Variants in TRDN observed in about 807,000 individuals in gnomAD.
The protein encoded by TRDN is triadin in skeletal muscle.
Under a neutral mutation model 149.7 loss-of-function variants are expected in TRDN, and 161 were observed. That is an observed-to-expected ratio of 1.08 (90% CI 0.95 to 1.23). The LOEUF (loss-of-function observed/expected upper bound fraction) is 1.23. TRDN is among the 50% of genes most tolerant of loss of function. TRDN has a pLI of 0.00. For synonymous variants in TRDN, 294 were observed against 250.5 expected, an observed-to-expected ratio of 1.17 and a Z score of -1.64; for missense variants, 896 against 823.5, an observed-to-expected ratio of 1.09 and a Z score of -1.08.
rs997711349 is a variant in TRDN, at chr6:123,255,894, C to G, written c.1879G>C (p.Asp627His). The change falls in exon 36 of 41, where the codon GAC (aspartate) becomes CAC (histidine). Residue 627 changes from aspartate (D) to histidine (H), a missense_variant. Physicochemically the swap from Asp to His is moderately conservative, Grantham distance 81. Coordinates refer to ENST00000334268, the MANE Select transcript of TRDN (RefSeq NM_006073.4). ...TTTTCTTCTCTAAGATGCTTCATGT[C>G]TGCTTTTTCTGTATAGAAGAAACAG... ...ISEKESKEKA[D>H]MKHLREEKVS... The G allele has an allele frequency of 2.3e-6, 3 of 1,321,032 alleles. No individual in the cohort carries two copies. Among genetic ancestry groups the G allele is most frequent in the African/African-American group, 1.6e-5 (1 of 64,156 alleles). 81.8% of individuals were successfully genotyped at this position (1,321,032 alleles called of 1,614,324 possible).
At chr6:123,588,656 T>A (rs2114611055) in intron 1 of TRDN, among the ~76,000 whole-genome samples, 1 of 152,302 alleles carries the variant, frequency 6.6e-6, no homozygotes, top group Non-Finnish European at 1.5e-5. Flanking sequence ...CAGGAGACAT[T>A]TACTTCTGAG....
intron 16 of TRDN, among the ~76,000 whole-genome samples, chr6:123,379,677 T>C (rs1191581263): frequency 6.6e-6 from 1 of 152,168 alleles, no homozygotes; most frequent in East Asian, 1.9e-4. Context: ...AATTTGTTCA[T>C]TATATAGGAT....
intron 16 of TRDN, among the ~76,000 whole-genome samples, chr6:123,379,310 C>T (rs1426985225): frequency 6.6e-6 from 1 of 152,152 alleles, no homozygotes; most frequent in African/African-American, 2.4e-5. Context: ...TCTTTTAAGA[C>T]AGCCTTTAAG....
chr6:123,491,028 C>T (rs1778192307), intron 9 of TRDN, among the ~76,000 whole-genome samples: 3 of 151,754 alleles, frequency 2.0e-5, no homozygotes, highest in Admixed American at 1.3e-4. Context: ...ATTGCTTGAA[C>T]CCGGGAGGCA....
intron 6 of TRDN, among the ~76,000 whole-genome samples, chr6:123,515,477 A>G (rs1406183813): frequency 2.0e-5 from 3 of 151,926 alleles, no homozygotes; most frequent in Non-Finnish European, 4.4e-5. Context: ...ATATTTAGTG[A>G]TATGAGAAGA....
intron 4 of TRDN, among the ~76,000 whole-genome samples, chr6:123,542,977 A>G (rs190798187): frequency 3.1e-4 from 47 of 151,856 alleles, no homozygotes; most frequent in African/African-American, 1.1e-3. Context: ...TATATTTCTA[A>G]AAAATAGATA....
intron 21 of TRDN, among the ~76,000 whole-genome samples, chr6:123,346,315 A>C (rs182505965): frequency 1.3e-5 from 2 of 152,132 alleles, no homozygotes; most frequent in African/African-American, 4.8e-5. Flanking sequence ...TAGCCTGTTG[A>C]TGTTATTGAT....
At position 123,527,993 on chromosome 6, in the gene TRDN, T is replaced by C. The variant is rs368900133; in HGVS notation, c.484+2513A>G. Among the ~76,000 whole-genome samples, 6 of 151,936 alleles carry C rather than the reference T, an allele frequency of 3.9e-5. No homozygotes were observed. The East Asian group carries it at 9.6e-4, about 24-fold the overall frequency. On this transcript the variant is annotated intron_variant, in intron 5 of 40. Transcript: ENST00000334268. ...ATAATAAGTATTCATTGCCTGGTTA[T>C]CATTTAAAAGGCATATTCTTTAGCT...
At chr6:123,349,937 C>A (rs983822234) in intron 21 of TRDN, 13 of 980,968 alleles carry the variant, frequency 1.3e-5, no homozygotes, top group Admixed American at 6.3e-5. Context: ...ATGTAGGGAA[C>A]CATTGTTTAC....
At chr6:123,310,688 T>C (rs1778786162) in intron 24 of TRDN, among the ~76,000 whole-genome samples, 1 of 151,844 alleles carries the variant, frequency 6.6e-6, no homozygotes, top group Non-Finnish European at 1.5e-5. Flanking sequence ...GTCACAACAA[T>C]AGGAGAAGAA....
At chr6:123,519,570 A>G (rs1260856701) in intron 5 of TRDN, among the ~76,000 whole-genome samples, 1 of 148,532 alleles carries the variant, frequency 6.7e-6, no homozygotes, top group Non-Finnish European at 1.5e-5. Flanking sequence ...TCCTGTTCTT[A>G]GGTTGAAAAT....
intron 5 of TRDN, 78 bp from the exon 6 acceptor site, chr6:123,516,284 G>T: frequency 7.6e-7 from 1 of 1,309,684 alleles, no homozygotes; most frequent in South Asian, 1.9e-5. Flanking sequence ...AGTCTTTGAT[G>T]TCAAAATTTA....
intron 4 of TRDN, among the ~76,000 whole-genome samples, chr6:123,535,259 A>C (rs1452000514): frequency 6.6e-6 from 1 of 152,210 alleles, no homozygotes; most frequent in Non-Finnish European, 1.5e-5. Flanking sequence ...GCTTTGCCTA[A>C]TAAGAAAGAA....
chr6:123,494,760 G>A (rs777880117), intron 9 of TRDN, among the ~76,000 whole-genome samples: 8 of 152,048 alleles, frequency 5.3e-5, no homozygotes, highest in Non-Finnish European at 8.8e-5. Flanking sequence ...TTGAGATGGA[G>A]TCTTGCTCTG....
At chr6:123,374,529 C>A (rs116235537) in intron 19 of TRDN, among the ~76,000 whole-genome samples, 2,119 of 152,220 alleles carry the variant, frequency 0.014, 54 homozygotes, top group African/African-American at 0.048. Flanking sequence ...TTAAACCTCT[C>A]TTGTAAAGTT....
chr6:123,448,717 C>A (rs1221650333), intron 10 of TRDN, among the ~76,000 whole-genome samples: 1 of 152,130 alleles, frequency 6.6e-6, no homozygotes, highest in Non-Finnish European at 1.5e-5. Context: ...GCAGCTGATG[C>A]TCTCTGGAAA....
intron 20 of TRDN, among the ~76,000 whole-genome samples, chr6:123,355,284 A>T (rs1780622602): frequency 6.6e-6 from 1 of 151,636 alleles, no homozygotes; most frequent in African/African-American, 2.4e-5. Flanking sequence ...AATTAAATTC[A>T]ATGTATCAAT....
At chr6:123,223,597 G>T (rs1775233397) in intron 39 of TRDN, among the ~76,000 whole-genome samples, 1 of 151,728 alleles carries the variant, frequency 6.6e-6, no homozygotes, top group African/African-American at 2.4e-5. Context: ...TACATCTGGA[G>T]ATCGCAGGTT....
intron 21 of TRDN, among the ~76,000 whole-genome samples, 170 bp from the exon 22 acceptor site, chr6:123,337,839 T>C (rs1379445229): frequency 6.6e-6 from 1 of 152,098 alleles, no homozygotes; most frequent in Admixed American, 6.6e-5. Flanking sequence ...TTGGACTAAA[T>C]ATGTAAACAA....
Sources: gnomAD v4.1 joint callset for allele counts (sites outside exome capture counted in the v4.1 genomes callset) on GRCh38, gnomAD v4.1.1 for gene constraint, MANE v1.5 for transcripts, NCBI Gene and HGNC (gene_info 2026-07-23, HGNC 2026-07-21) for gene names.